MAST4: variants seen among roughly 807,000 people sequenced by gnomAD.
MAST4 encodes the protein microtubule-associated serine/threonine-protein kinase 4.
MAST4 carries 89 observed loss-of-function variants against 162.7 expected under a neutral mutation model. That is an observed-to-expected ratio of 0.55 (90% CI 0.46 to 0.65). MAST4 has a LOEUF of 0.65. Ranked by LOEUF, MAST4 falls within the 30% of genes least tolerant of loss-of-function variation. The pLI is 0.00. For missense variants in MAST4, 3,153 were observed against 3,374.0 expected (o/e 0.93, Z 1.62); for synonymous variants, 1,479 against 1,361.1 (o/e 1.09, Z -1.91).
At chr5:66,961,454 C>T (rs1436056059) in intron 4 of MAST4, among the ~76,000 whole-genome samples, 2 of 152,128 alleles carry the variant, frequency 1.3e-5, no homozygotes, top group Admixed American at 1.3e-4. Context: ...TAGAATTTTC[C>T]ATTGGATTTA....
chr5:66,942,177 A>G (rs968696451), intron 4 of MAST4, among the ~76,000 whole-genome samples: 7 of 152,178 alleles, frequency 4.6e-5, no homozygotes. Context: ...ATACATCTTC[A>G]ATTTGTTAAA....
chr5:67,166,434 G>T lies in MAST4; in HGVS notation c.7255G>T (p.Gly2419Trp), dbSNP rs770222325. ...GVGKGFPEAR[G>W]KGPGPQKPPT... ...GGGGAAGGGCTTCCCTGAGGCCAGA[G>T]GGAAAGGGCCCGGTCCCCAGAAGCC... The change falls in exon 29 of 29, where the codon GGG becomes TGG. Residue 2419 changes from glycine (G) to tryptophan (W), a missense_variant. Around this residue, in one of 7 missense-constraint regions of MAST4, gnomAD observed 1,644 missense variants for 1,495.0 expected, o/e 1.10. Coordinates refer to ENST00000403625, the MANE Select transcript of MAST4 (RefSeq NM_001164664.2). The T allele has an allele frequency of 2.5e-6, 4 of 1,604,604 alleles. No individual in the cohort carries two copies. In the African/African-American group the frequency reaches 4.0e-5, roughly 16 times the overall value.
intron 3 of MAST4, among the ~76,000 whole-genome samples, chr5:66,868,469 A>G (rs36139): frequency 0.097 from 14,416 of 148,640 alleles, 782 homozygotes; most frequent in Middle Eastern, 0.15. Flanking sequence ...ATGTATATAT[A>G]TACGCAAATA....
intron 1 of MAST4, among the ~76,000 whole-genome samples, chr5:66,727,424 G>A (rs576780214): frequency 1.2e-3 from 179 of 152,224 alleles, no homozygotes; most frequent in African/African-American, 4.2e-3. Flanking sequence ...GCTTCTCCAG[G>A]TTATCCTGCA....
intron 1 of MAST4, among the ~76,000 whole-genome samples, chr5:66,710,913 T>C (rs1432108869): frequency 6.6e-6 from 1 of 152,216 alleles, no homozygotes; most frequent in Non-Finnish European, 1.5e-5. Context: ...GTGTAAAATT[T>C]GATGAATTTT....
intron 4 of MAST4, among the ~76,000 whole-genome samples, chr5:66,948,999 A>G (rs1744363835): frequency 6.6e-6 from 1 of 152,152 alleles, no homozygotes; most frequent in Non-Finnish European, 1.5e-5. Context: ...ATATATATAT[A>G]TTAGATATAC....
intron 4 of MAST4, among the ~76,000 whole-genome samples, chr5:66,929,462 A>G (rs530764220): frequency 2.7e-4 from 41 of 152,310 alleles, no homozygotes; most frequent in African/African-American, 8.9e-4. Flanking sequence ...CCTCAAAGAC[A>G]CACTCAGAAA....
intron 1 of MAST4, among the ~76,000 whole-genome samples, chr5:66,684,114 A>C (rs981531024): frequency 3.9e-5 from 6 of 152,166 alleles, no homozygotes; most frequent in Non-Finnish European, 5.9e-5. Flanking sequence ...GAGGATGTTT[A>C]AGGAAGGTTA....
intron 4 of MAST4, among the ~76,000 whole-genome samples, chr5:66,994,195 TG>T (rs1300455325): frequency 4.6e-5 from 7 of 152,156 alleles, no homozygotes; most frequent in Admixed American, 6.5e-5. Context: ...ACCAGGGTCA[TG>T]GCAAGTGAGG....
chr5:66,849,581 C>T (rs974840459), intron 3 of MAST4, among the ~76,000 whole-genome samples: 1 of 151,984 alleles, frequency 6.6e-6, no homozygotes, highest in African/African-American at 2.4e-5. Flanking sequence ...GTTCCTTCTT[C>T]AGGGCAAGGC....
chr5:66,879,309 GAT>G (rs748056195), intron 3 of MAST4, among the ~76,000 whole-genome samples: 25 of 146,618 alleles, frequency 1.7e-4, no homozygotes, highest in Middle Eastern at 3.6e-3. Flanking sequence ...AAATTGTACT[GAT>G]ATATATATAT....
intron 4 of MAST4, among the ~76,000 whole-genome samples, chr5:66,945,240 C>T (rs555871962): frequency 7.9e-5 from 12 of 152,238 alleles, no homozygotes; most frequent in Admixed American, 2.0e-4. Flanking sequence ...AAGGGCTGAA[C>T]AGACATTCTT....
chr5:66,919,888 A>G (rs2150041216), intron 4 of MAST4, among the ~76,000 whole-genome samples: 1 of 143,710 alleles, frequency 7.0e-6, no homozygotes, highest in South Asian at 2.2e-4. Context: ...CTCTTTCTCT[A>G]TTTTTCTCTC....
intron 3 of MAST4, among the ~76,000 whole-genome samples, chr5:66,845,438 A>T (rs886772104): frequency 6.6e-6 from 1 of 152,038 alleles, no homozygotes; most frequent in Non-Finnish European, 1.5e-5. Context: ...TACAAAGGAC[A>T]TGAACTCATC....
intron 1 of MAST4, among the ~76,000 whole-genome samples, chr5:66,623,346 A>G (rs1302392949): frequency 1.3e-5 from 2 of 152,224 alleles, no homozygotes; most frequent in Non-Finnish European, 2.9e-5. Flanking sequence ...AAGAAAAGAA[A>G]ACTACAGGCT....
chr5:66,814,279 T>C (rs543767574), intron 3 of MAST4, among the ~76,000 whole-genome samples: 1 of 152,348 alleles, frequency 6.6e-6, no homozygotes, highest in South Asian at 2.1e-4. Context: ...GCCTCCTCAG[T>C]GCTAGGGAGC....
chr5:66,982,112 G>A lies in MAST4; in HGVS notation c.675-72292G>A, dbSNP rs759301367. Among the ~76,000 whole-genome samples, 410 of 152,246 alleles carry A rather than the reference G, an allele frequency of 2.7e-3. 4 individuals carry two copies. Among genetic ancestry groups the A allele is most frequent in the African/African-American group, 9.4e-3 (389 of 41,542 alleles). ...TTTACAGAGAGAGATTAACTTGTCC[G>A]GAGTCTTACAAACTAGGAAGTGGCA... On this transcript the variant is annotated intron_variant, in intron 4 of 28. Transcript: ENST00000403625.
chr5:67,129,703 G>A (rs1389890899), intron 14 of MAST4, among the ~76,000 whole-genome samples: 4 of 147,852 alleles, frequency 2.7e-5, no homozygotes, highest in African/African-American at 1.0e-4. Flanking sequence ...TAGCCTGGGC[G>A]ACAGAGCAAG....
Position 67,152,835 on chromosome 5 carries a change from G to A in MAST4, c.3494G>A (p.Ser1165Asn). The stretch of plus-strand genomic sequence containing the variant: ...GCCATCCGGGTGTATGTGGGAGACA[G>A]TGACATCTATACAGTGCACCATATC... ...IRAIRVYVGD[S>N]DIYTVHHIVW... Residue 1165 changes from serine (S) to asparagine (N), a missense_variant, in exon 25 of 29, where the codon AGT (serine) becomes AAT (asparagine). Ser to Asn is a conservative substitution (Grantham distance 46). This residue lies in a region of MAST4 where 619 missense variants were observed against 744.2 expected (regional missense o/e 0.83). Coordinates refer to ENST00000403625, the MANE Select transcript of MAST4 (RefSeq NM_001164664.2). 1 of 1,614,048 alleles carries A rather than the reference G, an allele frequency of 6.2e-7. No homozygotes were observed. Among genetic ancestry groups the A allele is most frequent in the Non-Finnish European group, 8.5e-7 (1 of 1,179,882 alleles).
Sources: allele counts gnomAD v4.1 joint callset (sites outside exome capture counted in the v4.1 genomes callset), GRCh38; gene constraint gnomAD v4.1.1; regional missense constraint gnomAD v4.1.1; transcripts MANE v1.5; gene names NCBI Gene and HGNC (gene_info 2026-07-23, HGNC 2026-07-21).